The following MUSK variants were observed in gnomAD, a reference collection of about 807,000 sequenced individuals.
MUSK encodes muscle, skeletal receptor tyrosine-protein kinase.
In MUSK, 55 loss-of-function variants were observed where a neutral mutation model predicts 88.7. The observed-to-expected ratio is 0.62, with a 90% CI of 0.50 to 0.78. The LOEUF is 0.78. MUSK is among the 30% of genes least tolerant of loss of function. The probability of loss-of-function intolerance (pLI) is 0.00; values close to 1 mark genes in which losing one functional copy is unlikely to be tolerated. For missense variants in MUSK, 1,015 were observed against 1,074.3 expected (o/e 0.94, Z 0.77); for synonymous variants, 387 against 391.9 (o/e 0.99, Z 0.15).
At chr9:110,710,120 C>T (rs946490853) in intron 5 of MUSK, among the ~76,000 whole-genome samples, 7 of 152,168 alleles carry the variant, frequency 4.6e-5, no homozygotes, top group African/African-American at 1.7e-4. Flanking sequence ...GTGTCTTATT[C>T]CTAGTCTAGG....
rs2076210332 is a variant in MUSK at position 110,687,255 on chromosome 9, G to A, written c.345G>A (p.Leu115=). 6.2e-7 allele frequency: 1 copy of A among 1,613,752 alleles called. No individual in the cohort carries two copies. The highest frequency in any genetic ancestry group is 2.2e-5 in the East Asian group (1 of 44,874). ...GAGCTGTGGAGAGTTGTGGAGCCCT[G>A]CAAGTGAAGATGAGTGAGTGGGAAA... ...VGGAVESCGA[L]QVKMKPKITR... Residue 115 remains leucine (L), a synonymous_variant, in exon 3 of 15, where the codon CTG becomes CTA. Transcript: ENST00000374448.
At chr9:110,728,401 C>A in intron 5 of MUSK, 1 of 368,160 alleles carries the variant, frequency 2.7e-6, no homozygotes, top group South Asian at 4.2e-5. Context: ...AATAAAAATT[C>A]ATGAAAGAGC....
At chr9:110,689,481 TA>T (rs1564217179) in intron 3 of MUSK, among the ~76,000 whole-genome samples, 2 of 107,498 alleles carry the variant, frequency 1.9e-5, no homozygotes, top group African/African-American at 4.4e-5. Context: ...GTAAAAAATA[TA>T]AAAATATGTA....
chr9:110,759,704 A>C (rs956621365), intron 7 of MUSK, among the ~76,000 whole-genome samples: 2 of 152,240 alleles, frequency 1.3e-5, no homozygotes, highest in African/African-American at 4.8e-5. Flanking sequence ...CATGCAGCCA[A>C]CAAGCATATG....
intron 2 of MUSK, 127 bp downstream of exon 2, chr9:110,682,927 TGGAGA>T: frequency 3.4e-6 from 2 of 583,272 alleles, no homozygotes; most frequent in Non-Finnish European, 5.6e-6. Flanking sequence ...AAGTACCTCA[TGGAGA>T]ATGGGGTATC....
chr9:110,674,612 A>G (rs564704469), intron 1 of MUSK, among the ~76,000 whole-genome samples: 28 of 151,778 alleles, frequency 1.8e-4, no homozygotes, highest in Admixed American at 1.8e-3. Flanking sequence ...TGATGATGAT[A>G]TTATTATTAT....
intron 5 of MUSK, among the ~76,000 whole-genome samples, chr9:110,704,170 T>C (rs2076566506): frequency 6.6e-6 from 1 of 152,240 alleles, no homozygotes; most frequent in Non-Finnish European, 1.5e-5. Flanking sequence ...TCTAAAAGAA[T>C]ATTTGCACAA....
At position 110,775,773 on chromosome 9, in the gene MUSK, C is replaced by T. The variant is rs776928553; in HGVS notation, c.1185-15C>T. ...TAATGATTCATCAAGTTTTGTTCTC[C>T]ATATACTATTTTAGAGAGTACTGCT... On this transcript the variant is annotated splice_polypyrimidine_tract_variant and intron_variant, in intron 9 of 14. Coordinates refer to ENST00000374448, the MANE Select transcript of MUSK (RefSeq NM_005592.4). The T allele has an allele frequency of 5.6e-6, 9 of 1,612,618 alleles. No individual in the cohort carries two copies. The South Asian group carries it at 7.7e-5, about 14-fold the overall frequency.
intron 1 of MUSK, among the ~76,000 whole-genome samples, chr9:110,678,948 T>C (rs1349254310): frequency 6.6e-6 from 1 of 152,136 alleles, no homozygotes; most frequent in Non-Finnish European, 1.5e-5. Context: ...TTATTATGGT[T>C]AGAAAATATA....
At chr9:110,694,409 A>AAAAC (rs1796069058) in intron 3 of MUSK, among the ~76,000 whole-genome samples, 2 of 142,368 alleles carry the variant, frequency 1.4e-5, no homozygotes, top group African/African-American at 5.8e-5. Flanking sequence ...AAAAAAAACA[A>AAAAC]AAAAACAAAA....
chr9:110,781,829 C>G (rs1285881883), intron 11 of MUSK, among the ~76,000 whole-genome samples: 1 of 152,174 alleles, frequency 6.6e-6, no homozygotes, highest in Non-Finnish European at 1.5e-5. Flanking sequence ...TTTATCAGGA[C>G]TCTACCCTTA....
At chr9:110,772,202 A>G (rs1234978743) in intron 9 of MUSK, among the ~76,000 whole-genome samples, 2 of 151,460 alleles carry the variant, frequency 1.3e-5, no homozygotes, top group Non-Finnish European at 2.9e-5. Context: ...TTTTATCTTC[A>G]TGTGCTAGCA....
intron 13 of MUSK, 67 bp from the exon 14 acceptor site, chr9:110,787,623 T>G: frequency 1.3e-6 from 2 of 1,512,960 alleles, no homozygotes; most frequent in Non-Finnish European, 1.8e-6. Context: ...TATGTATAAA[T>G]GTGGGTAGGT....
In MUSK at chr9:110,751,724, A is replaced by T. The variant is rs2077250440; in HGVS notation, c.913+3924A>T. 2.0e-5 allele frequency among the ~76,000 whole-genome samples: 3 copies of T among 152,114 alleles called. No homozygotes were observed. The South Asian group carries it at 6.2e-4, about 31-fold the overall frequency. ...CTCTGGACAGGGGTATGTTTACAGTAGCTACCCAAGGAACTTGGGTAGAGG... is the reference window on the plus strand; with the variant it reads ...CTCTGGACAGGGGTATGTTTACAGTTGCTACCCAAGGAACTTGGGTAGAGG... On this transcript the variant is annotated intron_variant, in intron 7 of 14. Transcript: ENST00000374448.
intron 7 of MUSK, among the ~76,000 whole-genome samples, chr9:110,753,955 C>T (rs2077280587): frequency 6.6e-6 from 1 of 152,194 alleles, no homozygotes; most frequent in Non-Finnish European, 1.5e-5. Context: ...CTGATAGCCA[C>T]ACTCCTGTTT....
chr9:110,680,555 T>G (rs889129276), intron 1 of MUSK, among the ~76,000 whole-genome samples: 2 of 151,762 alleles, frequency 1.3e-5, no homozygotes, highest in African/African-American at 4.8e-5. Context: ...AGCTAAATTT[T>G]TTGTATTTTT....
intron 1 of MUSK, among the ~76,000 whole-genome samples, chr9:110,675,777 CCAG>C (rs2076019830): frequency 6.8e-6 from 1 of 147,948 alleles, no homozygotes; most frequent in Non-Finnish European, 1.5e-5. Context: ...ACCATGTTGG[CCAG>C]GAATCTCTTG....
Position 110,785,751 on chromosome 9 carries a change from GA to G in MUSK, c.1778+36del, listed in dbSNP as rs766953617. ...TACCTATGGAAAAAAAAACTCCATT[GA>G]AATATGTTATGTCTGAAAAGCTACC... On this transcript the variant is annotated intron_variant, in intron 13 of 14. Coordinates refer to ENST00000374448, the MANE Select transcript of MUSK (RefSeq NM_005592.4). 5.6e-5 allele frequency: 86 copies of G among 1,545,002 alleles called. 1 individual carries two copies. Among genetic ancestry groups the G allele is most frequent in the Non-Finnish European group, 7.1e-5 (81 of 1,139,266 alleles).
intron 5 of MUSK, among the ~76,000 whole-genome samples, chr9:110,712,419 A>C (rs945939250): frequency 6.6e-6 from 1 of 152,114 alleles, no homozygotes; most frequent in Admixed American, 6.6e-5. Context: ...ACCTTCCTTA[A>C]GATCTCTATG....
Sources: gnomAD v4.1 joint callset for allele counts (sites outside exome capture counted in the v4.1 genomes callset) on GRCh38, gnomAD v4.1.1 for gene constraint, MANE v1.5 for transcripts, NCBI Gene and HGNC (gene_info 2026-07-23, HGNC 2026-07-21) for gene names.